The following PRR16 variants were observed in gnomAD, a reference collection of about 807,000 sequenced individuals.
The protein encoded by PRR16 is protein Largen.
Under a neutral mutation model 18.2 loss-of-function variants are expected in PRR16, and 6 were observed. The observed-to-expected ratio is 0.33, with a 90% confidence interval of 0.18 to 0.65. The LOEUF (loss-of-function observed/expected upper bound fraction) is 0.65. PRR16 is among the 30% of genes least tolerant of loss of function. PRR16 has a pLI of 0.74. For missense variants in PRR16, 412 were observed against 376.6 expected, an observed-to-expected ratio of 1.09 and a Z score of -0.78; for synonymous variants, 151 against 147.8, an observed-to-expected ratio of 1.02 and a Z score of -0.16.
chr5:120,746,858 T>G, the PRR16 span, among the ~76,000 whole-genome samples: 21 of 152,162 alleles, frequency 1.4e-4, no homozygotes, highest in Admixed American at 8.5e-4. Flanking sequence ...GAAAACAAAT[T>G]ATGTTCTCTT....
At chr5:120,510,549 CAT>C (rs1750794786) in intron 1 of PRR16, among the ~76,000 whole-genome samples, 1 of 152,144 alleles carries the variant, frequency 6.6e-6, no homozygotes, top group Non-Finnish European at 1.5e-5. Flanking sequence ...TCTGTATTCA[CAT>C]GTTAGATATT....
Position 120,655,731 on chromosome 5 carries a change from T to TG in PRR16, c.160-30223_160-30222insG, listed in dbSNP as rs941356719. On this transcript the variant is annotated intron_variant, in intron 1 of 1. Coordinates refer to ENST00000407149, the MANE Select transcript of PRR16 (RefSeq NM_001300783.2). ...TTTGGATGATAGCAATTGACTTTTT[T>TG]TTTTTGTTTTTTTTTTTCTGAATGC... Among the ~76,000 whole-genome samples, 55 of 94,028 alleles carry TG rather than the reference T, an allele frequency of 5.8e-4. 1 individual carries two copies. Among genetic ancestry groups the TG allele is most frequent in the Non-Finnish European group, 8.7e-4 (43 of 49,192 alleles). 61.7% of individuals were successfully genotyped at this position (94,028 alleles called of 152,430 possible).
the PRR16 span, among the ~76,000 whole-genome samples, chr5:120,693,150 T>C: frequency 6.6e-6 from 1 of 152,112 alleles, no homozygotes; most frequent in Non-Finnish European, 1.5e-5. Flanking sequence ...TAGAGGACAA[T>C]GTATTTGGAT....
chr5:120,694,919 G>A, the PRR16 span, among the ~76,000 whole-genome samples: 1 of 152,012 alleles, frequency 6.6e-6, no homozygotes. Context: ...TAGGTTTGTG[G>A]TTTAAAACTT....
chr5:120,710,273 C>T, the PRR16 span, among the ~76,000 whole-genome samples: 16,146 of 152,094 alleles, frequency 0.11, 1,068 homozygotes, highest in Non-Finnish European at 0.14. Context: ...GGGGTACAAC[C>T]GGCTGGTGCA....
At chr5:120,698,476 C>T in the PRR16 span, among the ~76,000 whole-genome samples, 2 of 145,040 alleles carry the variant, frequency 1.4e-5, no homozygotes, top group East Asian at 3.9e-4. Context: ...GGGGATAGCA[C>T]CAGGAGATAT....
chr5:120,508,474 A>T (rs949795234), intron 1 of PRR16, among the ~76,000 whole-genome samples: 1 of 152,112 alleles, frequency 6.6e-6, no homozygotes, highest in Non-Finnish European at 1.5e-5. Flanking sequence ...AGTCTGCTGC[A>T]ATATTATATA....
rs779483203 is a variant in PRR16, at chr5:120,686,086, C to A, written c.292C>A (p.Gln98Lys). 1.2e-6 allele frequency: 2 copies of A among 1,614,120 alleles called. No individual in the cohort carries two copies. The highest frequency in any genetic ancestry group is 1.1e-5 in the South Asian group (1 of 91,068). Residue 98 changes from glutamine to lysine, a missense_variant, in exon 2 of 2, where the codon CAG becomes AAG. Transcript: ENST00000407149. ...TASSLEKIKV[Q>K]ANAPLIKPPA... is the part of the protein sequence containing the mutation. ...CTCCAGCCTAGAGAAGATCAAAGTG[C>A]AGGCTAATGCACCGCTTATTAAACC...
rs142328196 is a variant in PRR16, at chr5:120,509,689, T to C, written c.159+45044T>C. Among the ~76,000 whole-genome samples, 1,138 of 152,252 alleles carry C rather than the reference T, an allele frequency of 7.5e-3. 22 individuals carry two copies. Among genetic ancestry groups the C allele is most frequent in the African/African-American group, 0.026 (1,092 of 41,562 alleles). ...CAATTGTCTTTTGCTGTTATAGACA[T>C]CAGAGTTTTACCCTATAGTATTTGA... is the stretch of plus-strand genomic sequence containing the variant. On this transcript the variant is annotated intron_variant, in intron 1 of 1. Coordinates refer to ENST00000407149, the MANE Select transcript of PRR16 (RefSeq NM_001300783.2).
intron 1 of PRR16, among the ~76,000 whole-genome samples, chr5:120,489,223 T>C (rs368603726): frequency 5.9e-5 from 9 of 152,054 alleles, no homozygotes; most frequent in East Asian, 1.9e-4. Context: ...CTTTCTGTCT[T>C]GTTGATCTGT....
At chr5:120,747,786 GGAAA>G in the PRR16 span, among the ~76,000 whole-genome samples, 14 of 151,744 alleles carry the variant, frequency 9.2e-5, no homozygotes, top group Admixed American at 2.0e-4. Context: ...AGAAAAAGAA[GGAAA>G]GAAAGAAAGT....
At chr5:120,526,565 C>T (rs182005294) in intron 1 of PRR16, among the ~76,000 whole-genome samples, 91 of 152,076 alleles carry the variant, frequency 6.0e-4, no homozygotes, top group African/African-American at 2.0e-3. Flanking sequence ...ACCCTGGGTA[C>T]GGAACATAAT....
chr5:120,613,033 A>T (rs1222858661), intron 1 of PRR16, among the ~76,000 whole-genome samples: 1 of 152,214 alleles, frequency 6.6e-6, no homozygotes, highest in Non-Finnish European at 1.5e-5. Flanking sequence ...AAAGACAAAT[A>T]AGCATGAGGT....
chr5:120,700,807 C>T, the PRR16 span, among the ~76,000 whole-genome samples: 6 of 152,086 alleles, frequency 3.9e-5, no homozygotes, highest in African/African-American at 1.2e-4. Flanking sequence ...AGCTCGGCGT[C>T]GGTGATGGTC....
the PRR16 span, among the ~76,000 whole-genome samples, chr5:120,769,624 A>G: frequency 6.6e-6 from 1 of 151,798 alleles, no homozygotes; most frequent in African/African-American, 2.4e-5. Context: ...GTAGATGTTG[A>G]GCTGTTTCCA....
chr5:120,735,596 G>T, the PRR16 span, among the ~76,000 whole-genome samples: 2 of 152,092 alleles, frequency 1.3e-5, no homozygotes, highest in South Asian at 2.1e-4. Flanking sequence ...TCACATGCTT[G>T]TTGGCCATTT....
intron 1 of PRR16, among the ~76,000 whole-genome samples, chr5:120,657,509 G>C (rs2150136033): frequency 6.6e-6 from 1 of 151,936 alleles, no homozygotes; most frequent in South Asian, 2.1e-4. Flanking sequence ...TTTTACCCTG[G>C]AGAGCTGGTT....
At chr5:120,623,575 G>T (rs1754758607) in intron 1 of PRR16, among the ~76,000 whole-genome samples, 1 of 152,060 alleles carries the variant, frequency 6.6e-6, no homozygotes, top group South Asian at 2.1e-4. Flanking sequence ...ATATGGAAAT[G>T]TTAGCTAATA....
the PRR16 span, among the ~76,000 whole-genome samples, chr5:120,726,463 A>G: frequency 4.6e-5 from 7 of 152,022 alleles, no homozygotes; most frequent in Admixed American, 4.6e-4. Context: ...ACAGATATTT[A>G]AGAATCATAT....
Sources: gnomAD v4.1 joint callset for allele counts (sites outside exome capture counted in the v4.1 genomes callset) on GRCh38, gnomAD v4.1.1 for gene constraint, MANE v1.5 for transcripts, NCBI Gene and HGNC (gene_info 2026-07-23, HGNC 2026-07-21) for gene names.